The following ADAM29 variants were observed in gnomAD, a reference collection of about 807,000 sequenced individuals.
ADAM29 encodes disintegrin and metalloproteinase domain-containing protein 29.
For synonymous variants in ADAM29, 367 were observed against 342.3 expected (o/e 1.07, Z -0.80); for missense variants, 969 against 1,001.8 (o/e 0.97, Z 0.44).
intron 4 of ADAM29, among the ~76,000 whole-genome samples, chr4:174,970,765 A>G (rs955653539): frequency 3.3e-5 from 5 of 152,178 alleles, no homozygotes; most frequent in African/African-American, 1.2e-4. Context: ...AAAACATTCC[A>G]TGAAAATCCC....
At chr4:174,923,519 TTATATGTATATA>T (rs1414160624) in intron 2 of ADAM29, among the ~76,000 whole-genome samples, 2 of 36,732 alleles carry the variant, frequency 5.4e-5, no homozygotes, top group African/African-American at 1.2e-4. Context: ...ATACTGTGCA[TTATATGTATATA>T]TATATATATA....
In ADAM29 at chr4:174,971,228, A is replaced by T. The variant is rs569557594; in HGVS notation, c.-180-4118A>T. 1.3e-4 allele frequency among the ~76,000 whole-genome samples: 20 copies of T among 152,324 alleles called. 1 individual carries two copies. The highest frequency in any genetic ancestry group is 4.8e-4 in the African/African-American group (20 of 41,586). ...AATAACATATTTGTAATGAATAAAA[A>T]ATAATAGTCATTTATACACCACTAT... On this transcript the variant is annotated intron_variant, in intron 4 of 4. Transcript: ENST00000359240.
intron 4 of ADAM29, among the ~76,000 whole-genome samples, chr4:174,942,383 T>C (rs970838978): frequency 6.6e-6 from 1 of 152,222 alleles, no homozygotes; most frequent in African/African-American, 2.4e-5. Context: ...AGCAGACTTC[T>C]GCCTGGACAT....
At chr4:174,973,598 G>C (rs1397338939) in intron 4 of ADAM29, among the ~76,000 whole-genome samples, 1 of 152,196 alleles carries the variant, frequency 6.6e-6, no homozygotes, top group Non-Finnish European at 1.5e-5. Flanking sequence ...TATTTTAGAA[G>C]ATAGTTGCCT....
chr4:174,951,270 A>C (rs747826284), intron 4 of ADAM29, among the ~76,000 whole-genome samples: 12 of 152,220 alleles, frequency 7.9e-5, no homozygotes, highest in Non-Finnish European at 1.5e-4. Flanking sequence ...TTTCATAGAC[A>C]GTATCTCCTA....
intron 4 of ADAM29, among the ~76,000 whole-genome samples, chr4:174,945,866 C>A (rs1744818825): frequency 6.6e-6 from 1 of 152,076 alleles, no homozygotes; most frequent in South Asian, 2.1e-4. Flanking sequence ...TGTTTTTGCA[C>A]CAGTACCATG....
At chr4:174,945,194 C>T (rs1744770938) in intron 4 of ADAM29, among the ~76,000 whole-genome samples, 1 of 151,900 alleles carries the variant, frequency 6.6e-6, no homozygotes, top group South Asian at 2.1e-4. Flanking sequence ...TTAATAATAC[C>T]CATACTGAAC....
At chr4:174,933,597 T>C (rs971061291) in intron 3 of ADAM29, among the ~76,000 whole-genome samples, 8 of 152,140 alleles carry the variant, frequency 5.3e-5, no homozygotes, top group Non-Finnish European at 8.8e-5. Flanking sequence ...TAGTACCCAA[T>C]AGTTATTTCT....
intron 4 of ADAM29, among the ~76,000 whole-genome samples, chr4:174,954,236 TATA>T (rs1162278407): frequency 6.6e-6 from 1 of 152,194 alleles, no homozygotes; most frequent in Non-Finnish European, 1.5e-5. Flanking sequence ...CCTAAATTCT[TATA>T]ATCAGTCCCT....
In ADAM29 at chr4:174,976,631, G is replaced by T. The variant is rs771615806; in HGVS notation, c.1106G>T (p.Cys369Phe). 9.3e-6 allele frequency: 15 copies of T among 1,612,674 alleles called. No homozygotes were observed. The Admixed American group carries it at 1.0e-4, about 11-fold the overall frequency. ...GNPPITKFSN[C>F]SYGDFWEYTV... ...CCACCAATAACTAAATTTAGCAATT[G>T]TAGTTATGGTGATTTTTGGGAATAT... The change falls in exon 5 of 5, where the codon TGT becomes TTT. Residue 369 changes from cysteine (C) to phenylalanine (F), a missense_variant. By Grantham distance (205) the Cys-to-Phe change is radical. Transcript: ENST00000359240.
intron 4 of ADAM29, among the ~76,000 whole-genome samples, chr4:174,969,089 G>C (rs1404976745): frequency 1.8e-4 from 27 of 151,822 alleles, no homozygotes. Flanking sequence ...TCTGTCATTA[G>C]AAAACTTAGT....
In ADAM29 at chr4:174,930,733, A is replaced by T. The variant is rs529408494; in HGVS notation, c.-450-253A>T. 2.0e-4 allele frequency among the ~76,000 whole-genome samples: 30 copies of T among 152,306 alleles called. No individual in the cohort carries two copies. The South Asian group carries it at 3.5e-3, about 18-fold the overall frequency. ...ACTTTGAAAATATACTCTAGATTTA[A>T]CAATTCAAATAGCCCACTAACACTG... is the stretch of plus-strand genomic sequence containing the variant. On this transcript the variant is annotated intron_variant, in intron 2 of 4. Coordinates refer to ENST00000359240, the MANE Select transcript of ADAM29 (RefSeq NM_014269.4).
chr4:174,940,063 G>A (rs1744440877), intron 4 of ADAM29, among the ~76,000 whole-genome samples: 2 of 151,616 alleles, frequency 1.3e-5, no homozygotes, highest in Admixed American at 1.3e-4. Flanking sequence ...TATATAAAGG[G>A]TAGATTTTAT....
chr4:174,928,907 T>G (rs1743683045), intron 2 of ADAM29, among the ~76,000 whole-genome samples: 1 of 152,146 alleles, frequency 6.6e-6, no homozygotes, highest in African/African-American at 2.4e-5. Context: ...AAGAGAAGAT[T>G]TACATCTCTA....
chr4:174,977,611 CG>C lies in ADAM29; in HGVS notation c.2087del (p.Arg696HisfsTer9). The C allele has an allele frequency of 6.2e-7, 1 of 1,613,746 alleles. No individual in the cohort carries two copies. The highest frequency in any genetic ancestry group is 8.5e-7 in the Non-Finnish European group (1 of 1,179,888). On this transcript the variant is annotated frameshift_variant, in exon 5 of 5. Coordinates refer to ENST00000359240, the MANE Select transcript of ADAM29 (RefSeq NM_014269.4). LOFTEE classifies it low-confidence loss of function (END_TRUNC). ...VLFILLCCLYRLCKKSKPIKK... is the reference protein window; with the variant it reads ...VLFILLCCLYXLCKKSKPIKK... ...GTTTATTTTATTATGTTGTCTTTAT[CG>C]ACTTTGTAAAAAAAGTAAACCAATA...
At chr4:174,921,050 T>C (rs1188227738) in intron 2 of ADAM29, among the ~76,000 whole-genome samples, 4 of 152,152 alleles carry the variant, frequency 2.6e-5, no homozygotes, top group Non-Finnish European at 4.4e-5. Context: ...TCAAAGAGAA[T>C]ATTATACTAT....
At chr4:174,952,226 C>T (rs558665864) in intron 4 of ADAM29, among the ~76,000 whole-genome samples, 7 of 151,936 alleles carry the variant, frequency 4.6e-5, no homozygotes, top group African/African-American at 1.4e-4. Context: ...GAGGGCTCTC[C>T]GCGGATTCTT....
chr4:174,949,736 C>T (rs1422587763), intron 4 of ADAM29, among the ~76,000 whole-genome samples: 1 of 152,102 alleles, frequency 6.6e-6, no homozygotes, highest in African/African-American at 2.4e-5. Flanking sequence ...GAATCCCGTC[C>T]TATTTCTGTT....
At chr4:174,974,725 A>T (rs1746658136) in intron 4 of ADAM29, among the ~76,000 whole-genome samples, 1 of 152,236 alleles carries the variant, frequency 6.6e-6, no homozygotes, top group South Asian at 2.1e-4. Context: ...TGAGACACTA[A>T]TATTTGTGAA....
Sources: allele counts gnomAD v4.1 joint callset (sites outside exome capture counted in the v4.1 genomes callset), GRCh38; gene constraint gnomAD v4.1.1; transcripts MANE v1.5; gene names NCBI Gene and HGNC (gene_info 2026-07-23, HGNC 2026-07-21).